Variants in STC2 observed in about 807,000 individuals in gnomAD.
STC2 encodes the protein stanniocalcin-2.
In STC2, 7 loss-of-function variants were observed where a neutral mutation model predicts 22.7. The observed-to-expected ratio is 0.31, with a 90% CI of 0.18 to 0.58. The LOEUF (loss-of-function observed/expected upper bound fraction) is 0.58, where lower values mean the gene tolerates loss of function less well. Among genes scored for constraint, STC2 ranks in the 20% least tolerant of loss-of-function variants. STC2 has a pLI of 0.89. For synonymous variants in STC2, 158 were observed against 163.4 expected, an observed-to-expected ratio of 0.97 and a Z score of 0.25; for missense variants, 336 against 406.2, an observed-to-expected ratio of 0.83 and a Z score of 1.48.
Position 173,326,087 on chromosome 5 carries a change from A to AAG in STC2, c.152-78_152-77insCT, listed in dbSNP as rs1294678808. On this transcript the variant is annotated intron_variant, in intron 1 of 3. Transcript: ENST00000265087. ...CAATGCAGAGAGGTCATTTGAAATA[A>AAG]AAGTTAACAACTAAAGGAAAATTTA... 27 of 1,508,632 alleles carry AAG rather than the reference A, an allele frequency of 1.8e-5. No individual in the cohort carries two copies. The East Asian group carries it at 2.5e-4, about 14-fold the overall frequency. 93.5% of individuals were successfully genotyped at this position (1,508,632 alleles called of 1,614,324 possible).
intron 1 of STC2, among the ~76,000 whole-genome samples, chr5:173,327,457 G>T (rs1240130803): frequency 6.6e-6 from 1 of 152,270 alleles, no homozygotes; most frequent in Admixed American, 6.5e-5. Flanking sequence ...AGGAGCTGGG[G>T]ATGGCGGCAG....
At position 173,323,441 on chromosome 5, in the gene STC2, A is replaced by G; in HGVS notation, c.295-11T>C. 6.3e-7 allele frequency: 1 copy of G among 1,599,870 alleles called. No homozygotes were observed. Among genetic ancestry groups the G allele is most frequent in the Non-Finnish European group, 8.5e-7 (1 of 1,172,372 alleles). ...GATGAATGACTTGCCCTGAGAACAC[A>G]CAGGCCGGGGAAGGGAGAGAGGGGC... On this transcript the variant is annotated splice_polypyrimidine_tract_variant and intron_variant, in intron 2 of 3. Transcript: ENST00000265087. This position sits in a 1 kb window ranked among gnomAD's most constrained non-coding sequence, Gnocchi z 5.4.
chr5:173,325,374 A>C lies in STC2; in HGVS notation c.294+494T>G, dbSNP rs1762534211. On this transcript the variant is annotated intron_variant, in intron 2 of 3. Coordinates refer to ENST00000265087, the MANE Select transcript of STC2 (RefSeq NM_003714.3). The surrounding 1 kb of genome is among the most constrained non-coding windows in gnomAD (Gnocchi z 4.7). ...AAGTGTGGAACTGAAGGACTCAATC[A>C]GGGTTTCGACCGGTCAGCTTGGGAG... 6.6e-6 allele frequency among the ~76,000 whole-genome samples: 1 copy of C among 152,220 alleles called. No homozygotes were observed. Among genetic ancestry groups the C allele is most frequent in the South Asian group, 2.1e-4 (1 of 4,834 alleles).
chr5:173,328,320 T>G lies in STC2; in HGVS notation c.-127A>C. 1 of 1,106,128 alleles carries G rather than the reference T, an allele frequency of 9.0e-7. No homozygotes were observed. Among genetic ancestry groups the G allele is most frequent in the Non-Finnish European group, 1.2e-6 (1 of 831,108 alleles). 68.5% of individuals were successfully genotyped at this position (1,106,128 alleles called of 1,614,324 possible). ...TCTTCCTTTTTGCTCGCCTTTTCCC[T>G]CCTCCTCGCGGCCGCGGCTCGGATA... On this transcript the variant is annotated 5_prime_UTR_variant, in exon 1 of 4. Coordinates refer to ENST00000265087, the MANE Select transcript of STC2 (RefSeq NM_003714.3).
chr5:173,323,892 C>CTGT lies in STC2; in HGVS notation c.295-463_295-462insACA. On this transcript the variant is annotated intron_variant, in intron 2 of 3. Coordinates refer to ENST00000265087, the MANE Select transcript of STC2 (RefSeq NM_003714.3). This position sits in a 1 kb window ranked among gnomAD's most constrained non-coding sequence, Gnocchi z 5.4. ...TGCATGTCCAAATCTCACACGTTTC[C>CTGT]TTTTTCCCTTGATTCCAGGGGCGAC... The CTGT allele has an allele frequency of 5.9e-6, 1 of 168,722 alleles. No homozygotes were observed. Among genetic ancestry groups the CTGT allele is most frequent in the Non-Finnish European group, 1.3e-5 (1 of 77,150 alleles). 10.5% of individuals were successfully genotyped at this position (168,722 alleles called of 1,614,324 possible). A position where few individuals can be genotyped will look rare whatever the true frequency, so the allele number is the denominator to read the frequency against.
At chr5:173,320,956 G>A (rs992031491) in intron 3 of STC2, among the ~76,000 whole-genome samples, 5 of 152,054 alleles carry the variant, frequency 3.3e-5, no homozygotes. Flanking sequence ...TCGATGCACC[G>A]CCACATCATG....
At chr5:173,319,258 G>A (rs1762459981) in intron 3 of STC2, among the ~76,000 whole-genome samples, 1 of 152,226 alleles carries the variant, frequency 6.6e-6, no homozygotes, top group Admixed American at 6.5e-5. Context: ...CTGGTAAAGA[G>A]TGTCCCCAGC....
intron 1 of STC2, among the ~76,000 whole-genome samples, chr5:173,327,142 C>A (rs1267414678): frequency 6.6e-6 from 1 of 152,196 alleles, no homozygotes; most frequent in Non-Finnish European, 1.5e-5. Context: ...GGCAGGACCG[C>A]ACAGGGCCGC....
intron 3 of STC2, among the ~76,000 whole-genome samples, chr5:173,322,631 G>A (rs1412594146): frequency 6.6e-6 from 1 of 152,166 alleles, no homozygotes; most frequent in Non-Finnish European, 1.5e-5. Flanking sequence ...CTCTGTTTTC[G>A]GGATTTAAGA....
intron 2 of STC2, among the ~76,000 whole-genome samples, chr5:173,324,953 C>T (rs1335686359): frequency 6.6e-6 from 1 of 152,206 alleles, no homozygotes; most frequent in Admixed American, 6.5e-5. Context: ...GCTGCCAGCC[C>T]CGTCTTCGCC....
chr5:173,318,270 G>GAGAA, intron 3 of STC2, 21 bp from the exon 4 acceptor site: 2 of 775,104 alleles, frequency 2.6e-6, no homozygotes, highest in East Asian at 9.8e-5. Flanking sequence ...AAAGCAAAGA[G>GAGAA]AGAGAGAGAG....
rs1762538850 is a variant in STC2 at position 173,325,794 on chromosome 5, C to A, written c.294+74G>T. On this transcript the variant is annotated intron_variant, in intron 2 of 3. Coordinates refer to ENST00000265087, the MANE Select transcript of STC2 (RefSeq NM_003714.3). This position sits in a 1 kb window ranked among gnomAD's most constrained non-coding sequence, Gnocchi z 4.7. ...AGGAACAGCAAAGGAAGTTGGTTAACAAGGCTTTCCAATGAACGTTTCAAT... is the reference window on the plus strand; with the variant it reads ...AGGAACAGCAAAGGAAGTTGGTTAAAAAGGCTTTCCAATGAACGTTTCAAT... 1.9e-6 allele frequency: 3 copies of A among 1,599,718 alleles called. No individual in the cohort carries two copies. Among genetic ancestry groups the A allele is most frequent in the Non-Finnish European group, 2.6e-6 (3 of 1,169,500 alleles).
rs1168822405 is a variant in STC2, at chr5:173,317,942, C to T, written c.814G>A (p.Ala272Thr). 6.2e-7 allele frequency: 1 copy of T among 1,613,460 alleles called. No homozygotes were observed. Among genetic ancestry groups the T allele is most frequent in the Non-Finnish European group, 8.5e-7 (1 of 1,179,960 alleles). ...RGSKSHPNAH[A>T]RGRVGGLGAQ... ...CCAAGGCCCCCGACTCTGCCTCGGG[C>T]ATGGGCGTTTGGGTGGCTCTTGCTA... The change falls in exon 4 of 4, where the codon GCC (alanine) becomes ACC (threonine). Residue 272 changes from alanine to threonine, a missense_variant. By Grantham distance (58) the Ala-to-Thr change is moderately conservative. This residue lies in a region of STC2 where 215 missense variants were observed against 231.5 expected (regional missense o/e 0.93). Coordinates refer to ENST00000265087, the MANE Select transcript of STC2 (RefSeq NM_003714.3).
intron 3 of STC2, among the ~76,000 whole-genome samples, chr5:173,321,540 G>C (rs1228184829): frequency 6.6e-6 from 1 of 152,196 alleles, no homozygotes; most frequent in African/African-American, 2.4e-5. Context: ...CACCACATGT[G>C]GGGAGCTGTG....
chr5:173,318,301 G>GAGAGAGAGAGAGA, intron 3 of STC2, 52 bp from the exon 4 acceptor site: 1 of 1,019,254 alleles, frequency 9.8e-7, no homozygotes, highest in Non-Finnish European at 1.3e-6. Context: ...AGAGAGAGAG[G>GAGAGAGAGAGAGA]CTGGGAATGG....
chr5:173,323,877 A>C lies in STC2; in HGVS notation c.295-447T>G. The C allele has an allele frequency of 5.6e-6, 1 of 177,636 alleles. No homozygotes were observed. The highest frequency in any genetic ancestry group is 1.2e-5 in the Non-Finnish European group (1 of 82,496). The allele number at this position is 177,636 out of a possible 1,614,324, so 11.0% of individuals were successfully genotyped here. On this transcript the variant is annotated intron_variant, in intron 2 of 3. Transcript: ENST00000265087. The surrounding 1 kb of genome is among the most constrained non-coding windows in gnomAD (Gnocchi z 5.4). ...TAAGTGGAAGGTGCCTGCATGTCCAAATCTCACACGTTTCCTTTTTCCCTT... is the reference window on the plus strand; with the variant it reads ...TAAGTGGAAGGTGCCTGCATGTCCACATCTCACACGTTTCCTTTTTCCCTT...
chr5:173,324,708 G>T (rs1215203594), intron 2 of STC2, among the ~76,000 whole-genome samples: 1 of 152,218 alleles, frequency 6.6e-6, no homozygotes, highest in Non-Finnish European at 1.5e-5. Flanking sequence ...AAAAAAAGAG[G>T]AAGATGAATT....
rs1762511076 is a variant in STC2, at chr5:173,323,522, A to G, written c.295-92T>C. On this transcript the variant is annotated intron_variant, in intron 2 of 3. Transcript: ENST00000265087. This position sits in a 1 kb window ranked among gnomAD's most constrained non-coding sequence, Gnocchi z 5.4. The stretch of plus-strand genomic sequence containing the variant: ...ACATTTCAGCCCTTCTTGGGCTTAC[A>G]CAGGATATTTCTGACATCAGAACCC... 2 of 1,268,328 alleles carry G rather than the reference A, an allele frequency of 1.6e-6. No individual in the cohort carries two copies. The highest frequency in any genetic ancestry group is 1.5e-5 in the African/African-American group (1 of 67,402). 78.6% of individuals were successfully genotyped at this position (1,268,328 alleles called of 1,614,324 possible).
chr5:173,323,548 C>A lies in STC2; in HGVS notation c.295-118G>T. 1 of 992,548 alleles carries A rather than the reference C, an allele frequency of 1.0e-6. No individual in the cohort carries two copies. Among genetic ancestry groups the A allele is most frequent in the Non-Finnish European group, 1.5e-6 (1 of 668,586 alleles). The allele number at this position is 992,548 out of a possible 1,614,324, so 61.5% of individuals were successfully genotyped here. A position where few individuals can be genotyped will look rare whatever the true frequency, so the allele number is the denominator to read the frequency against. The stretch of plus-strand genomic sequence containing the variant: ...CAGGATATTTCTGACATCAGAACCC[C>A]AAGGCCCCACCAGAGACGGACGTCC... On this transcript the variant is annotated intron_variant, in intron 2 of 3. Transcript: ENST00000265087. The surrounding 1 kb of genome is among the most constrained non-coding windows in gnomAD (Gnocchi z 5.4).
Sources: gnomAD v4.1 joint callset for allele counts (sites outside exome capture counted in the v4.1 genomes callset) on GRCh38, gnomAD v4.1.1 for gene constraint, gnomAD v4.1.1 regional missense constraint, Gnocchi (gnomAD v3.1) non-coding constraint, MANE v1.5 for transcripts, NCBI Gene and HGNC (gene_info 2026-07-23, HGNC 2026-07-21) for gene names.